ATP9B: variants seen among roughly 807,000 people sequenced by gnomAD.
The protein encoded by ATP9B is ATPase phospholipid transporting 9B.
In ATP9B, 110 loss-of-function variants were observed where a neutral mutation model predicts 146.1. The ratio of observed to expected loss-of-function variants is 0.75; its 90% CI spans 0.65 to 0.88. ATP9B has a LOEUF of 0.88. ATP9B is among the 40% of genes least tolerant of loss of function. ATP9B has a pLI of 0.00. For missense variants in ATP9B, 1,499 were observed against 1,496.4 expected, an observed-to-expected ratio of 1.00 and a Z score of -0.03; for synonymous variants, 604 against 569.7, an observed-to-expected ratio of 1.06 and a Z score of -0.86.
At chr18:79,109,276 T>G (rs1381790184) in intron 2 of ATP9B, among the ~76,000 whole-genome samples, 1 of 152,172 alleles carries the variant, frequency 6.6e-6, no homozygotes, top group Non-Finnish European at 1.5e-5. Context: ...GAAGTTTAAA[T>G]TCATGATTAT....
intron 8 of ATP9B, among the ~76,000 whole-genome samples, chr18:79,179,764 T>C (rs908518763): frequency 2.0e-5 from 3 of 152,234 alleles, no homozygotes; most frequent in Admixed American, 1.3e-4. Context: ...ATGTTTGTTC[T>C]GCTATTGCCT....
At chr18:79,295,927 A>G (rs1292565521) in intron 13 of ATP9B, among the ~76,000 whole-genome samples, 1 of 152,246 alleles carries the variant, frequency 6.6e-6, no homozygotes, top group African/African-American at 2.4e-5. Flanking sequence ...CGCCAGAGCT[A>G]TGAGAAGTAA....
At chr18:79,082,883 C>G (rs1035176248) in intron 1 of ATP9B, among the ~76,000 whole-genome samples, 6 of 152,190 alleles carry the variant, frequency 3.9e-5, no homozygotes, top group Non-Finnish European at 7.3e-5. Context: ...ACATGGCGGT[C>G]AGGGATCCAC....
At chr18:79,137,004 C>T (rs191083068) in intron 5 of ATP9B, among the ~76,000 whole-genome samples, 51 of 152,276 alleles carry the variant, frequency 3.3e-4, no homozygotes, top group African/African-American at 1.1e-3. Context: ...TACCTCCCAC[C>T]GGGTCCCTCC....
At chr18:79,295,249 T>C (rs2096539651) in intron 13 of ATP9B, among the ~76,000 whole-genome samples, 1 of 152,212 alleles carries the variant, frequency 6.6e-6, no homozygotes, top group African/African-American at 2.4e-5. Flanking sequence ...AACATTTCAC[T>C]GTTCAAATCA....
chr18:79,194,397 C>T (rs187114915), intron 9 of ATP9B: 8 of 152,214 alleles, frequency 5.3e-5, no homozygotes, highest in South Asian at 2.1e-4. Context: ...CGGAAATGTT[C>T]GCTAGACAAT....
intron 1 of ATP9B, among the ~76,000 whole-genome samples, chr18:79,086,959 C>A (rs186800342): frequency 2.6e-4 from 39 of 152,056 alleles, no homozygotes; most frequent in Admixed American, 7.9e-4. Flanking sequence ...AACATCTTGC[C>A]CTTTGTCTTA....
At chr18:79,336,748 GT>G in intron 18 of ATP9B, 37 bp downstream of exon 18, 1 of 1,594,208 alleles carries the variant, frequency 6.3e-7, no homozygotes, top group Non-Finnish European at 8.6e-7. Flanking sequence ...CTCCTACGAC[GT>G]TTCCTTCCTT....
intron 12 of ATP9B, among the ~76,000 whole-genome samples, chr18:79,269,158 C>T (rs1484437581): frequency 2.0e-5 from 3 of 152,226 alleles, no homozygotes; most frequent in African/African-American, 7.2e-5. Flanking sequence ...CCTGTCGCGT[C>T]CTGCTCTGGG....
At chr18:79,243,251 A>G (rs965370937) in intron 11 of ATP9B, among the ~76,000 whole-genome samples, 1 of 152,236 alleles carries the variant, frequency 6.6e-6, no homozygotes, top group African/African-American at 2.4e-5. Context: ...GAGGTGTTTC[A>G]GACATTGGTC....
intron 26 of ATP9B, chr18:79,364,382 G>A (rs932915660): frequency 2.0e-5 from 3 of 152,162 alleles, no homozygotes; most frequent in Middle Eastern, 3.2e-3. Flanking sequence ...ATTGTCAAAA[G>A]GATAGACAAA....
intron 8 of ATP9B, among the ~76,000 whole-genome samples, chr18:79,191,132 C>T (rs2095362616): frequency 6.6e-6 from 1 of 152,114 alleles, no homozygotes; most frequent in Non-Finnish European, 1.5e-5. Flanking sequence ...CCACACCCTC[C>T]ACCCCTCACT....
chr18:79,370,376 G>A (rs1190715798), intron 26 of ATP9B, among the ~76,000 whole-genome samples: 8 of 152,302 alleles, frequency 5.3e-5, no homozygotes, highest in South Asian at 2.1e-4. Flanking sequence ...GAAGAAAGGC[G>A]TGTGCTAGGC....
Position 79,330,023 on chromosome 18 carries a change from G to T in ATP9B, c.1947G>T (p.Thr649=), listed in dbSNP as rs34286681. ...TTGTTCTTTGATAGGATGAATCCACGGCAGAAATCACATTCTACATGAAGG... is the reference window on the plus strand; with the variant it reads ...TTGTTCTTTGATAGGATGAATCCACTGCAGAAATCACATTCTACATGAAGG... ...RMGVIVRDES[T]AEITFYMKGA... The change falls in exon 17 of 30, where the codon ACG becomes ACT. Residue 649 remains threonine, a synonymous_variant. Transcript: ENST00000426216. The T allele has an allele frequency of 1.2e-6, 2 of 1,613,928 alleles. No homozygotes were observed. The highest frequency in any genetic ancestry group is 1.7e-6 in the Non-Finnish European group (2 of 1,179,862).
chr18:79,278,391 G>C (rs1265912883), intron 13 of ATP9B, among the ~76,000 whole-genome samples: 2 of 152,152 alleles, frequency 1.3e-5, no homozygotes, highest in East Asian at 3.9e-4. Flanking sequence ...TTTCAATACG[G>C]TGTTCAAGAA....
chr18:79,110,765 TTTATA>T (rs1266140803), intron 3 of ATP9B, among the ~76,000 whole-genome samples: 1 of 152,230 alleles, frequency 6.6e-6, no homozygotes, highest in Admixed American at 6.5e-5. Flanking sequence ...AAACATCATA[TTTATA>T]TTATTTTAGA....
At chr18:79,343,663 CCTGT>C (rs1468362862) in intron 20 of ATP9B, 1 of 153,732 alleles carries the variant, frequency 6.5e-6, no homozygotes, top group Non-Finnish European at 1.4e-5. Flanking sequence ...TTGAGAGCGT[CCTGT>C]CTCTTACCCG....
At chr18:79,133,192 T>A (rs2094402744) in intron 5 of ATP9B, among the ~76,000 whole-genome samples, 1 of 152,090 alleles carries the variant, frequency 6.6e-6, no homozygotes, top group Non-Finnish European at 1.5e-5. Context: ...ATGCCCAGCC[T>A]TTCTTGAAGT....
rs769982207 is a variant in ATP9B at position 79,277,148 on chromosome 18, A to G, written c.1363A>G (p.Ile455Val). The G allele has an allele frequency of 5.0e-6, 8 of 1,614,252 alleles. No individual in the cohort carries two copies. Among genetic ancestry groups the G allele is most frequent in the South Asian group, 1.1e-5 (1 of 91,086 alleles). Residue 455 changes from isoleucine (I) to valine (V), a missense_variant, in exon 13 of 30, where the codon ATC becomes GTC. Ile to Val is a conservative substitution (Grantham distance 29, BLOSUM62 3). Coordinates refer to ENST00000426216, the MANE Select transcript of ATP9B (RefSeq NM_198531.5). ...TGGCACGGTCGTTCGGACCAGCACT[A>G]TCCCAGAGGAACTTGGGCGCCTGGT... ...IPGTVVRTST[I>V]PEELGRLVYL...
Sources: allele counts gnomAD v4.1 joint callset (sites outside exome capture counted in the v4.1 genomes callset), GRCh38; gene constraint gnomAD v4.1.1; transcripts MANE v1.5; gene names NCBI Gene and HGNC (gene_info 2026-07-23, HGNC 2026-07-21).